Variants in SPOCK3 observed in about 807,000 individuals in gnomAD.
SPOCK3 encodes the protein SPARC (osteonectin), cwcv and kazal like domains proteoglycan 3.
A neutral mutation model predicts 56.6 loss-of-function variants in SPOCK3; 30 were observed. That is an observed-to-expected ratio of 0.53 (90% CI 0.40 to 0.72). The LOEUF (loss-of-function observed/expected upper bound fraction) is 0.72, where lower values mean the gene tolerates loss of function less well. SPOCK3 is among the 30% of genes least tolerant of loss of function. SPOCK3 has a pLI of 0.00. For synonymous variants in SPOCK3, 196 were observed against 183.3 expected (o/e 1.07, Z -0.56); for missense variants, 527 against 530.0 (o/e 0.99, Z 0.06).
chr4:167,061,962 T>G (rs926181744), intron 3 of SPOCK3, among the ~76,000 whole-genome samples: 1 of 151,864 alleles, frequency 6.6e-6, no homozygotes, highest in Non-Finnish European at 1.5e-5. Flanking sequence ...CTTGTTTTCC[T>G]TTTAAAGGTA....
chr4:167,097,804 T>C (rs1759291234), intron 2 of SPOCK3, among the ~76,000 whole-genome samples: 1 of 151,880 alleles, frequency 6.6e-6, no homozygotes, highest in African/African-American at 2.4e-5. Context: ...TTGGTGATCA[T>C]CAGTGGTGGA....
chr4:166,884,149 C>G (rs1018506254), intron 6 of SPOCK3, among the ~76,000 whole-genome samples: 1 of 151,788 alleles, frequency 6.6e-6, no homozygotes, highest in Non-Finnish European at 1.5e-5. Context: ...TACAGGAGAT[C>G]GAGATCAACC....
intron 4 of SPOCK3, among the ~76,000 whole-genome samples, chr4:166,913,046 C>T (rs985225947): frequency 2.6e-5 from 4 of 152,054 alleles, no homozygotes; most frequent in Non-Finnish European, 5.9e-5. Context: ...ACAGAAGCAA[C>T]ACTTGCTCAG....
chr4:166,907,707 G>C (rs1736783544), intron 5 of SPOCK3, among the ~76,000 whole-genome samples: 1 of 152,022 alleles, frequency 6.6e-6, no homozygotes, highest in African/African-American at 2.4e-5. Flanking sequence ...TTTCATACCA[G>C]GGACTTTATT....
intron 3 of SPOCK3, among the ~76,000 whole-genome samples, chr4:167,046,591 G>A (rs1341587999): frequency 6.6e-6 from 1 of 151,092 alleles, no homozygotes; most frequent in African/African-American, 2.4e-5. Flanking sequence ...TAGTAGCTGG[G>A]ACTACAGGTG....
intron 6 of SPOCK3, among the ~76,000 whole-genome samples, chr4:166,834,715 C>T (rs1397460590): frequency 3.3e-5 from 5 of 152,032 alleles, no homozygotes; most frequent in African/African-American, 4.8e-5. Context: ...AAATGAATCC[C>T]GTTTCCCAAA....
chr4:167,022,721 T>C (rs1751309182), intron 3 of SPOCK3, among the ~76,000 whole-genome samples: 1 of 152,004 alleles, frequency 6.6e-6, no homozygotes, highest in Admixed American at 6.6e-5. Context: ...GCATATCCCA[T>C]AATGTGCTGT....
At chr4:166,865,757 A>G (rs183776891) in intron 6 of SPOCK3, among the ~76,000 whole-genome samples, 20 of 152,242 alleles carry the variant, frequency 1.3e-4, no homozygotes, top group Admixed American at 6.6e-4. Flanking sequence ...AGAACTACAA[A>G]CCACAGCTCA....
chr4:166,741,539 TTAAAAGAAGGG>T (rs1734845200), intron 9 of SPOCK3, among the ~76,000 whole-genome samples: 1 of 152,170 alleles, frequency 6.6e-6, no homozygotes, highest in Non-Finnish European at 1.5e-5. Context: ...CATTTACTTA[TTAAAAGAAGGG>T]TAGTAAAAAA....
chr4:167,207,999 A>G (rs1396741570), intron 2 of SPOCK3, among the ~76,000 whole-genome samples: 1 of 152,088 alleles, frequency 6.6e-6, no homozygotes, highest in Non-Finnish European at 1.5e-5. Flanking sequence ...TGGCCTTCTG[A>G]GCTTCTCAGG....
chr4:166,750,345 G>A (rs1736214007), intron 8 of SPOCK3, among the ~76,000 whole-genome samples: 2 of 152,016 alleles, frequency 1.3e-5, no homozygotes, highest in Admixed American at 1.3e-4. Context: ...GGTCTACACA[G>A]GGTAAGGACT....
At chr4:166,993,437 T>A (rs1369592132) in intron 4 of SPOCK3, among the ~76,000 whole-genome samples, 2 of 152,050 alleles carry the variant, frequency 1.3e-5, no homozygotes, top group African/African-American at 4.8e-5. Context: ...GGCAGCAAAT[T>A]TTTTGAAATT....
intron 2 of SPOCK3, among the ~76,000 whole-genome samples, chr4:167,222,949 A>G (rs1426811871): frequency 7.8e-6 from 1 of 127,784 alleles, no homozygotes; most frequent in Non-Finnish European, 1.5e-5. Context: ...GTAAACATAT[A>G]ATATATATTA....
chr4:166,916,443 T>A (rs1419852749), intron 4 of SPOCK3, among the ~76,000 whole-genome samples: 1 of 152,178 alleles, frequency 6.6e-6, no homozygotes, highest in Non-Finnish European at 1.5e-5. Context: ...AGCATCAGTC[T>A]CATATGAAAG....
intron 4 of SPOCK3, among the ~76,000 whole-genome samples, chr4:166,969,844 A>G (rs561843411): frequency 2.0e-5 from 3 of 152,308 alleles, no homozygotes; most frequent in African/African-American, 7.2e-5. Context: ...AATTGGACAT[A>G]CCTATAGCCA....
At chr4:166,871,292 T>C (rs939872145) in intron 6 of SPOCK3, among the ~76,000 whole-genome samples, 3 of 152,070 alleles carry the variant, frequency 2.0e-5, no homozygotes. Context: ...AAAAGATCAA[T>C]AAAATTGAGA....
At chr4:167,216,001 G>A (rs1735314162) in intron 2 of SPOCK3, among the ~76,000 whole-genome samples, 1 of 152,114 alleles carries the variant, frequency 6.6e-6, no homozygotes, top group African/African-American at 2.4e-5. Flanking sequence ...TGTACATGTT[G>A]TAGAGCATTA....
chr4:167,225,617 A>C (rs1429838424), intron 2 of SPOCK3, among the ~76,000 whole-genome samples: 1 of 152,126 alleles, frequency 6.6e-6, no homozygotes. Flanking sequence ...AAAATGATAA[A>C]TAAATAGGAA....
intron 2 of SPOCK3, among the ~76,000 whole-genome samples, chr4:167,233,648 A>T (rs917737493): frequency 6.6e-6 from 1 of 152,104 alleles, no homozygotes; most frequent in East Asian, 1.9e-4. Flanking sequence ...TGCTGTGTTT[A>T]CCAGTGCCAG....
Sources: gnomAD v4.1 joint callset for allele counts (sites outside exome capture counted in the v4.1 genomes callset) on GRCh38, gnomAD v4.1.1 for gene constraint, MANE v1.5 for transcripts, NCBI Gene and HGNC (gene_info 2026-07-23, HGNC 2026-07-21) for gene names.